Variants in AFAP1L2 observed in about 807,000 individuals in gnomAD.
The protein encoded by AFAP1L2 is actin filament-associated protein 1-like 2.
A neutral mutation model predicts 99.3 loss-of-function variants in AFAP1L2; 46 were observed. That is an observed-to-expected ratio of 0.46 (90% CI 0.37 to 0.59). The LOEUF is 0.59. Among genes scored for constraint, AFAP1L2 ranks in the 20% least tolerant of loss-of-function variants. The pLI is 0.00. For synonymous variants in AFAP1L2, 397 were observed against 419.1 expected (o/e 0.95, Z 0.64); for missense variants, 959 against 1,034.9 (o/e 0.93, Z 1.01).
intron 2 of AFAP1L2, among the ~76,000 whole-genome samples, chr10:114,338,109 G>C (rs924981823): frequency 1.3e-5 from 2 of 152,234 alleles, no homozygotes; most frequent in Non-Finnish European, 2.9e-5. Context: ...TGGGCATATA[G>C]CGACATGCCT....
chr10:114,362,575 C>T (rs1291583918), intron 1 of AFAP1L2, among the ~76,000 whole-genome samples: 2 of 152,144 alleles, frequency 1.3e-5, no homozygotes, highest in African/African-American at 4.8e-5. Flanking sequence ...AGAGGGAGCG[C>T]GGACCTGCTG....
intron 1 of AFAP1L2, among the ~76,000 whole-genome samples, chr10:114,349,441 G>A (rs1208365463): frequency 6.7e-6 from 1 of 149,256 alleles, no homozygotes; most frequent in Non-Finnish European, 1.5e-5. Flanking sequence ...AAAGAAGACT[G>A]AGCCAGGTGT....
At chr10:114,344,148 A>G (rs1239715323) in intron 1 of AFAP1L2, among the ~76,000 whole-genome samples, 1 of 152,226 alleles carries the variant, frequency 6.6e-6, no homozygotes, top group Non-Finnish European at 1.5e-5. Context: ...GGCCCACAGA[A>G]GCATTTAAAA....
intron 1 of AFAP1L2, among the ~76,000 whole-genome samples, chr10:114,388,872 G>A (rs761193560): frequency 6.6e-5 from 10 of 152,152 alleles, no homozygotes; most frequent in Admixed American, 3.9e-4. Context: ...GGAAATGCAG[G>A]TTCAGAGACA....
chr10:114,346,142 G>A (rs569767114), intron 1 of AFAP1L2, among the ~76,000 whole-genome samples: 1 of 152,284 alleles, frequency 6.6e-6, no homozygotes, highest in South Asian at 2.1e-4. Context: ...AGGAGCGCAG[G>A]CCTGGGGATG....
At chr10:114,289,444 G>T in the AFAP1L2 span, 27 of 1,614,016 alleles carry the variant, frequency 1.7e-5, no homozygotes, top group African/African-American at 2.7e-5. Flanking sequence ...AGCTTACGCC[G>T]ACCTGCGGTA....
At position 114,390,683 on chromosome 10, in the gene AFAP1L2, T is replaced by G. The variant is rs534089646; in HGVS notation, c.16+13757A>C. On this transcript the variant is annotated intron_variant, in intron 1 of 18. Coordinates refer to ENST00000304129, the MANE Select transcript of AFAP1L2 (RefSeq NM_001001936.3). Reference sequence around the variant, plus strand: ...TTGCAGTGACCCGAGATCACGCCACTGTACTCCAGCCTGGACAACAGGGCG... The same window carrying G: ...TTGCAGTGACCCGAGATCACGCCACGGTACTCCAGCCTGGACAACAGGGCG... Among the ~76,000 whole-genome samples, 37 of 139,846 alleles carry G rather than the reference T, an allele frequency of 2.6e-4. 1 individual carries two copies. Among genetic ancestry groups the G allele is most frequent in the Non-Finnish European group, 4.5e-5 (3 of 66,736 alleles). The allele number at this position is 139,846 out of a possible 152,430, so 91.7% of individuals were successfully genotyped here.
At chr10:114,297,502 C>G in intron 16 of AFAP1L2, 89 bp from the exon 17 acceptor site, 5 of 1,360,840 alleles carry the variant, frequency 3.7e-6, no homozygotes, top group Admixed American at 4.1e-5. Context: ...CTACATACCC[C>G]GCCACCCGAG....
intron 1 of AFAP1L2, among the ~76,000 whole-genome samples, chr10:114,357,232 C>A (rs2051517379): frequency 2.0e-5 from 3 of 152,310 alleles, no homozygotes; most frequent in South Asian, 2.1e-4. Context: ...CAAAAGGACG[C>A]CTCGGATCCT....
intron 1 of AFAP1L2, among the ~76,000 whole-genome samples, chr10:114,361,623 G>T (rs1040965127): frequency 6.6e-6 from 1 of 152,170 alleles, no homozygotes; most frequent in Non-Finnish European, 1.5e-5. Flanking sequence ...AAACATCTTG[G>T]CTTCCCTTTG....
chr10:114,365,742 C>A (rs1370770329), intron 1 of AFAP1L2, among the ~76,000 whole-genome samples: 13 of 128,338 alleles, frequency 1.0e-4, no homozygotes, highest in African/African-American at 1.9e-4. Context: ...TTTTTTTCTT[C>A]TGAGACAGGG....
rs780515786 is a variant in AFAP1L2 at position 114,314,027 on chromosome 10, G to A, written c.636C>T (p.His212=). Residue 212 remains histidine (H), a synonymous_variant, in exon 7 of 19, where the codon CAC becomes CAT. Transcript: ENST00000304129. ...GTAGGTTCACGTCCAGCTGAGGGCT[G>A]TGGTCCTTGGAGGATTTGTAGCACT... ...RLLCYKSSKD[H]SPQLDVNLLG... 2 of 1,612,784 alleles carry A rather than the reference G, an allele frequency of 1.2e-6. No homozygotes were observed. Among genetic ancestry groups the A allele is most frequent in the Non-Finnish European group, 1.7e-6 (2 of 1,179,076 alleles).
chr10:114,383,237 G>A (rs1456943622), intron 1 of AFAP1L2, among the ~76,000 whole-genome samples: 2 of 152,180 alleles, frequency 1.3e-5, no homozygotes, highest in Non-Finnish European at 2.9e-5. Context: ...TGGCTCTGAG[G>A]GACTTCCTTT....
intron 8 of AFAP1L2, 78 bp from the exon 9 acceptor site, chr10:114,308,595 A>AT: frequency 7.6e-7 from 1 of 1,311,030 alleles, no homozygotes; most frequent in Non-Finnish European, 1.1e-6. Flanking sequence ...AGGGAAAATA[A>AT]TAGATGGCTC....
At chr10:114,387,018 C>T (rs1358283223) in intron 1 of AFAP1L2, among the ~76,000 whole-genome samples, 7 of 152,222 alleles carry the variant, frequency 4.6e-5, no homozygotes, top group South Asian at 2.1e-4. Flanking sequence ...TTGTTCATCT[C>T]GTCAGCCAAT....
the AFAP1L2 span, chr10:114,281,765 A>T: frequency 1.0e-6 from 1 of 985,322 alleles, no homozygotes; most frequent in Non-Finnish European, 1.2e-6. Flanking sequence ...TTCTCTCCCC[A>T]TCGAAGCTTT....
intron 1 of AFAP1L2, among the ~76,000 whole-genome samples, chr10:114,349,146 G>C (rs1409289624): frequency 6.6e-6 from 1 of 152,042 alleles, no homozygotes; most frequent in Non-Finnish European, 1.5e-5. Flanking sequence ...GGGAGGCCGA[G>C]GTGGATGGAT....
chr10:114,331,683 C>A (rs2047255388), intron 4 of AFAP1L2, 120 bp downstream of exon 4: 2 of 676,684 alleles, frequency 3.0e-6, no homozygotes, highest in East Asian at 6.9e-5. Context: ...TTGTCCCAGT[C>A]CCTGAACACA....
At chr10:114,366,696 G>A (rs1345079669) in intron 1 of AFAP1L2, among the ~76,000 whole-genome samples, 9 of 152,130 alleles carry the variant, frequency 5.9e-5, no homozygotes, top group Admixed American at 1.3e-4. Context: ...GGCCGGGCGC[G>A]GTGGCTCACG....
Sources: allele counts gnomAD v4.1 joint callset (sites outside exome capture counted in the v4.1 genomes callset), GRCh38; gene constraint gnomAD v4.1.1; transcripts MANE v1.5; gene names NCBI Gene and HGNC (gene_info 2026-07-23, HGNC 2026-07-21).